Variants in ZNF385D observed in about 807,000 individuals in gnomAD.
ZNF385D encodes the protein zinc finger protein 385D.
In ZNF385D, 15 loss-of-function variants were observed where a neutral mutation model predicts 35.8. That is an observed-to-expected ratio of 0.42 (90% CI 0.28 to 0.64). ZNF385D has a LOEUF of 0.64. Ranked by LOEUF, ZNF385D falls within the 30% of genes least tolerant of loss-of-function variation. The pLI, the probability that ZNF385D is intolerant of heterozygous loss-of-function variation, is 0.23. For synonymous variants in ZNF385D, 212 were observed against 186.8 expected, an observed-to-expected ratio of 1.13 and a Z score of -1.10; for missense variants, 474 against 494.6, an observed-to-expected ratio of 0.96 and a Z score of 0.39.
chr3:21,937,894 A>G (rs1477769336), intron 3 of ZNF385D, among the ~76,000 whole-genome samples: 1 of 152,206 alleles, frequency 6.6e-6, no homozygotes, highest in African/African-American at 2.4e-5. Flanking sequence ...CCAATCATTA[A>G]TGTCTTAAGC....
At chr3:21,729,353 C>A (rs565309593) in intron 1 of ZNF385D, among the ~76,000 whole-genome samples, 2 of 152,232 alleles carry the variant, frequency 1.3e-5, no homozygotes, top group African/African-American at 4.8e-5. Context: ...GGCCCTCATT[C>A]AAGCTATTTT....
intron 2 of ZNF385D, among the ~76,000 whole-genome samples, chr3:22,246,446 A>C (rs867552280): frequency 2.0e-5 from 3 of 152,150 alleles, no homozygotes; most frequent in Non-Finnish European, 4.4e-5. Flanking sequence ...CTCAAAAAAG[A>C]AACAGGAACA....
At chr3:21,737,968 T>A (rs922221529) in intron 1 of ZNF385D, among the ~76,000 whole-genome samples, 10 of 152,366 alleles carry the variant, frequency 6.6e-5, no homozygotes, top group Non-Finnish European at 1.3e-4. Flanking sequence ...TAGCGTTATG[T>A]GTAAGTCACA....
intron 2 of ZNF385D, among the ~76,000 whole-genome samples, chr3:22,313,049 C>A (rs1703665139): frequency 1.3e-5 from 2 of 151,916 alleles, no homozygotes; most frequent in African/African-American, 4.8e-5. Flanking sequence ...CACATATATA[C>A]CATGGAATAC....
At chr3:22,030,718 T>A (rs143102556) in intron 3 of ZNF385D, among the ~76,000 whole-genome samples, 1 of 152,138 alleles carries the variant, frequency 6.6e-6, no homozygotes, top group Admixed American at 6.6e-5. Context: ...CTAAATCTCA[T>A]GTCTTTTTCA....
chr3:21,868,680 A>G (rs73146834), intron 3 of ZNF385D, among the ~76,000 whole-genome samples: 5,041 of 152,296 alleles, frequency 0.033, 270 homozygotes, highest in African/African-American at 0.11. Context: ...GTTATTACAC[A>G]GCAATTAAAC....
intron 2 of ZNF385D, among the ~76,000 whole-genome samples, chr3:22,315,387 G>A (rs931454386): frequency 1.3e-5 from 2 of 152,180 alleles, no homozygotes; most frequent in Non-Finnish European, 2.9e-5. Flanking sequence ...TCTAAAATAG[G>A]TAGACGCTGA....
intron 3 of ZNF385D, among the ~76,000 whole-genome samples, chr3:22,059,784 G>A (rs1363910309): frequency 2.0e-5 from 3 of 152,174 alleles, no homozygotes; most frequent in African/African-American, 7.2e-5. Flanking sequence ...AATTTTCTGT[G>A]TTGACTGGGC....
At chr3:22,171,542 G>C (rs948803841) in intron 2 of ZNF385D, among the ~76,000 whole-genome samples, 3 of 152,108 alleles carry the variant, frequency 2.0e-5, no homozygotes, top group African/African-American at 4.8e-5. Flanking sequence ...AAGGAAAAAA[G>C]AGAACCTCAA....
At chr3:21,516,515 C>T (rs1029512227) in intron 3 of ZNF385D, among the ~76,000 whole-genome samples, 10 of 152,136 alleles carry the variant, frequency 6.6e-5, no homozygotes, top group African/African-American at 2.2e-4. Flanking sequence ...ACTAGAGACT[C>T]TGATCAATGG....
chr3:21,591,391 G>A (rs1218408586), intron 2 of ZNF385D, among the ~76,000 whole-genome samples: 3 of 151,976 alleles, frequency 2.0e-5, no homozygotes, highest in Admixed American at 2.0e-4. Context: ...CAGGAGGGGG[G>A]AACATCAGTG....
intron 1 of ZNF385D, among the ~76,000 whole-genome samples, chr3:21,734,055 T>G (rs2069133509): frequency 2.0e-5 from 3 of 152,206 alleles, no homozygotes; most frequent in African/African-American, 7.2e-5. Context: ...GAATATTCAC[T>G]TATGTTTCTT....
chr3:21,717,087 T>G (rs569630839), intron 1 of ZNF385D, among the ~76,000 whole-genome samples: 6 of 152,192 alleles, frequency 3.9e-5, no homozygotes, highest in African/African-American at 1.2e-4. Context: ...GAGCCAAGAT[T>G]GCGCCACTGC....
At chr3:21,441,885 T>G (rs531609508) in intron 4 of ZNF385D, 20 of 267,478 alleles carry the variant, frequency 7.5e-5, no homozygotes, top group South Asian at 2.9e-4. Flanking sequence ...TGAAATTCAG[T>G]GAGAAGAGAA....
At chr3:22,103,020 T>G (rs1387240631) in intron 3 of ZNF385D, among the ~76,000 whole-genome samples, 2 of 151,022 alleles carry the variant, frequency 1.3e-5, no homozygotes, top group Admixed American at 6.6e-5. Context: ...GTGAATAAAT[T>G]TCTCATGCTG....
At chr3:21,680,960 G>A (rs1159509520) in intron 1 of ZNF385D, among the ~76,000 whole-genome samples, 1 of 152,030 alleles carries the variant, frequency 6.6e-6, no homozygotes, top group Non-Finnish European at 1.5e-5. Context: ...GCCTTTCAAC[G>A]GCTGCTGCCA....
rs1332505240 is a variant in ZNF385D at position 22,242,535 on chromosome 3, A to C, written c.107-73500T>G. On this transcript the variant is annotated intron_variant, in intron 2 of 5. Transcript: ENST00000494108. The stretch of plus-strand genomic sequence containing the variant: ...TCTAATTATGAGAAAAAAAAACTCA[A>C]AACAACGGATAGTTTACAAAACACC... Among the ~76,000 whole-genome samples the C allele has an allele frequency of 1.3e-5, 2 of 150,990 alleles. 1 individual carries two copies. The highest frequency in any genetic ancestry group is 4.9e-5 in the African/African-American group (2 of 40,808).
Position 21,421,479 on chromosome 3 carries a change from C to A in ZNF385D, c.955-32G>T, listed in dbSNP as rs569811775. On this transcript the variant is annotated intron_variant, in intron 7 of 7. Coordinates refer to ENST00000281523, the MANE Select transcript of ZNF385D (RefSeq NM_024697.3). Reference sequence around the variant, plus strand: ...GGGAGAAAAAATATTGTAAAAAAAACAACAGTTTTGGAATTTGTACTTAAA... The same window carrying A: ...GGGAGAAAAAATATTGTAAAAAAAAAAACAGTTTTGGAATTTGTACTTAAA... 5 of 1,551,884 alleles carry A rather than the reference C, an allele frequency of 3.2e-6. No individual in the cohort carries two copies. In the South Asian group the frequency reaches 3.4e-5, roughly 11 times the overall value.
intron 1 of ZNF385D, among the ~76,000 whole-genome samples, chr3:21,733,834 AAG>A (rs1320720585): frequency 1.3e-5 from 2 of 152,150 alleles, no homozygotes; most frequent in African/African-American, 4.8e-5. Context: ...CTATTTATTT[AAG>A]AGTTTCTGTT....
Sources: allele counts gnomAD v4.1 joint callset (sites outside exome capture counted in the v4.1 genomes callset), GRCh38; gene constraint gnomAD v4.1.1; transcripts MANE v1.5; gene names NCBI Gene and HGNC (gene_info 2026-07-23, HGNC 2026-07-21).